Variants in CSMD2 observed in about 807,000 individuals in gnomAD.
The protein encoded by CSMD2 is CUB and Sushi multiple domains 2.
In CSMD2, 130 loss-of-function variants were observed where a neutral mutation model predicts 398.5. The ratio of observed to expected loss-of-function variants is 0.33; its 90% CI spans 0.28 to 0.38. CSMD2 has a LOEUF of 0.38. CSMD2 is among the 10% of genes least tolerant of loss of function. The pLI is 1.00. For missense variants in CSMD2, 3,829 were observed against 4,764.9 expected (o/e 0.80, Z 5.78); for synonymous variants, 1,828 against 1,908.5 (o/e 0.96, Z 1.10).
At chr1:33,891,495 T>TC (rs1183420655) in intron 5 of CSMD2, among the ~76,000 whole-genome samples, 1 of 151,652 alleles carries the variant, frequency 6.6e-6, no homozygotes, top group Non-Finnish European at 1.5e-5. Flanking sequence ...GTGTGGCGAT[T>TC]CCTCAGGGAT....
intron 3 of CSMD2, among the ~76,000 whole-genome samples, chr1:33,939,315 T>C (rs981699956): frequency 6.6e-6 from 1 of 152,238 alleles, no homozygotes; most frequent in Non-Finnish European, 1.5e-5. Flanking sequence ...TGCTGCTGGC[T>C]CACTTGGTGT....
At chr1:33,600,307 G>A in intron 44 of CSMD2, 1 of 607,730 alleles carries the variant, frequency 1.6e-6, no homozygotes, top group South Asian at 2.1e-5. Context: ...CATTCTATAA[G>A]TTTCTCTAGG....
intron 1 of CSMD2, among the ~76,000 whole-genome samples, chr1:34,130,495 G>T (rs1016186863): frequency 6.6e-6 from 1 of 151,950 alleles, no homozygotes; most frequent in Non-Finnish European, 1.5e-5. Context: ...GGGAAGCGTG[G>T]GTAGACTGGC....
intron 23 of CSMD2, 130 bp downstream of exon 23, chr1:33,700,387 A>G (rs1645571500): frequency 1.1e-6 from 1 of 891,710 alleles, no homozygotes; most frequent in Non-Finnish European, 1.8e-6. Flanking sequence ...CCACTGATGG[A>G]TACATATTGG....
intron 2 of CSMD2, among the ~76,000 whole-genome samples, chr1:34,077,421 C>T (rs1339345321): frequency 1.8e-5 from 2 of 109,296 alleles, no homozygotes; most frequent in African/African-American, 3.7e-5. Flanking sequence ...TGTGCCACTG[C>T]AATCCGGCCT....
At chr1:33,605,843 T>C (rs964204515) in intron 41 of CSMD2, 3 of 1,602,526 alleles carry the variant, frequency 1.9e-6, no homozygotes, top group Non-Finnish European at 2.6e-6. Context: ...ACTCCTTTCA[T>C]GTTGCTTATC....
At chr1:33,643,122 C>T (rs1045935188) in intron 29 of CSMD2, among the ~76,000 whole-genome samples, 7 of 152,164 alleles carry the variant, frequency 4.6e-5, no homozygotes, top group African/African-American at 1.7e-4. Context: ...CAGATGCTTC[C>T]TGGATGCAGA....
intron 22 of CSMD2, among the ~76,000 whole-genome samples, chr1:33,707,693 G>GCACACACACA (rs1385022470): frequency 6.4e-5 from 3 of 46,906 alleles, no homozygotes; most frequent in African/African-American, 1.2e-4. Context: ...ACGCGCGCGC[G>GCACACACACA]CGCACACACA....
rs1358100512 is a variant in CSMD2, at chr1:33,559,290, G to A, written c.8554+10C>T. On this transcript the variant is annotated intron_variant, in intron 54 of 70. Transcript: ENST00000373381. The surrounding 1 kb of genome is among the most constrained non-coding windows in gnomAD (Gnocchi z 4.0). ...GTGGGGACTGGATTGGGAGAGAAAG[G>A]GTGACTCACTTCTGCAGGTGGGCAG... 18 of 1,534,170 alleles carry A rather than the reference G, an allele frequency of 1.2e-5. No homozygotes were observed. The highest frequency in any genetic ancestry group is 1.6e-5 in the Non-Finnish European group (18 of 1,146,572).
intron 3 of CSMD2, among the ~76,000 whole-genome samples, chr1:33,940,434 T>C (rs1644629415): frequency 6.6e-6 from 1 of 152,016 alleles, no homozygotes; most frequent in South Asian, 2.1e-4. Context: ...TTATAATACC[T>C]ACCCCTGAGT....
chr1:34,132,252 G>A (rs1378402056), intron 1 of CSMD2, among the ~76,000 whole-genome samples: 1 of 151,862 alleles, frequency 6.6e-6, no homozygotes, highest in African/African-American at 2.4e-5. Context: ...TCGTCCTGCT[G>A]ACCCTTAGTC....
intron 5 of CSMD2, among the ~76,000 whole-genome samples, chr1:33,904,711 C>A (rs1277898472): frequency 6.6e-6 from 1 of 150,988 alleles, no homozygotes; most frequent in Admixed American, 6.6e-5. Context: ...GCCGCCCAGG[C>A]TGGAGTGCAG....
At chr1:33,880,947 T>C (rs1425768864) in intron 5 of CSMD2, among the ~76,000 whole-genome samples, 1 of 152,236 alleles carries the variant, frequency 6.6e-6, no homozygotes, top group Admixed American at 6.5e-5. Flanking sequence ...AGGTAATTAC[T>C]GTATTGTTAT....
intron 3 of CSMD2, among the ~76,000 whole-genome samples, chr1:33,985,179 G>A (rs1009612101): frequency 1.3e-5 from 2 of 152,198 alleles, no homozygotes; most frequent in African/African-American, 4.8e-5. Flanking sequence ...GAGGGATGGA[G>A]CCCTGGGCTG....
At chr1:33,955,772 T>C (rs578313) in intron 3 of CSMD2, among the ~76,000 whole-genome samples, 75,411 of 151,676 alleles carry the variant, frequency 0.5, 18,894 homozygotes, top group Non-Finnish European at 0.53. Flanking sequence ...TCATTTCTAT[T>C]GGGTTGCTTT....
chr1:33,653,749 G>A (rs533036615), intron 27 of CSMD2, among the ~76,000 whole-genome samples: 9 of 152,120 alleles, frequency 5.9e-5, no homozygotes, highest in South Asian at 2.1e-4. Context: ...GTGTGGGGTC[G>A]TTAGCAGGAT....
chr1:33,605,574 C>G (rs575560531), intron 41 of CSMD2, 104 bp from the exon 42 acceptor site: 1 of 1,160,056 alleles, frequency 8.6e-7, no homozygotes, highest in East Asian at 2.4e-5. Flanking sequence ...TCAGATGGAC[C>G]TTTGTCATGT....
intron 66 of CSMD2, among the ~76,000 whole-genome samples, chr1:33,523,626 A>G (rs921184003): frequency 6.6e-6 from 1 of 152,172 alleles, no homozygotes; most frequent in Non-Finnish European, 1.5e-5. Context: ...AATTATTAAT[A>G]TATGCATATG....
chr1:33,962,929 G>T (rs1000121239), intron 3 of CSMD2, among the ~76,000 whole-genome samples: 1 of 152,216 alleles, frequency 6.6e-6, no homozygotes, highest in African/African-American at 2.4e-5. Flanking sequence ...TGAAGGAAGA[G>T]ATTTCTGTTT....
Sources: gnomAD v4.1 joint callset for allele counts (sites outside exome capture counted in the v4.1 genomes callset) on GRCh38, gnomAD v4.1.1 for gene constraint, Gnocchi (gnomAD v3.1) non-coding constraint, MANE v1.5 for transcripts, NCBI Gene and HGNC (gene_info 2026-07-23, HGNC 2026-07-21) for gene names.